The following PTPRD variants were observed in gnomAD, a reference collection of about 807,000 sequenced individuals.
PTPRD encodes receptor-type tyrosine-protein phosphatase delta.
Under a neutral mutation model 214.5 loss-of-function variants are expected in PTPRD, and 34 were observed. That is an observed-to-expected ratio of 0.16 (90% CI 0.12 to 0.21). The LOEUF (loss-of-function observed/expected upper bound fraction) is 0.21, where lower values mean the gene tolerates loss of function less well. PTPRD is among the 10% of genes least tolerant of loss of function. The pLI is 1.00. For synonymous variants in PTPRD, 1,128 were observed against 845.7 expected (o/e 1.33, Z -5.79); for missense variants, 2,545 against 2,398.7 (o/e 1.06, Z -1.27).
intron 3 of PTPRD, among the ~76,000 whole-genome samples, chr9:10,281,269 G>A (rs1184848252): frequency 1.3e-5 from 2 of 152,042 alleles, no homozygotes; most frequent in Non-Finnish European, 2.9e-5. Context: ...TAGTTTAGAT[G>A]TTAACTCTAA....
chr9:8,859,715 A>C (rs941338874), intron 11 of PTPRD, among the ~76,000 whole-genome samples: 1 of 151,758 alleles, frequency 6.6e-6, no homozygotes, highest in African/African-American at 2.4e-5. Flanking sequence ...AGGATTGGTC[A>C]GTAATCCTCT....
chr9:10,331,348 T>C (rs1195199499), intron 3 of PTPRD, among the ~76,000 whole-genome samples: 4 of 151,822 alleles, frequency 2.6e-5, no homozygotes, highest in Non-Finnish European at 4.4e-5. Context: ...TAGAAGCTTG[T>C]CTAGCTTGAA....
intron 7 of PTPRD, among the ~76,000 whole-genome samples, chr9:9,584,066 G>C (rs1255507927): frequency 1.3e-5 from 2 of 151,938 alleles, no homozygotes; most frequent in African/African-American, 4.8e-5. Flanking sequence ...TTGAAATACA[G>C]ATTCTGATAG....
At chr9:8,481,152 A>AT (rs1430317923) in intron 30 of PTPRD, among the ~76,000 whole-genome samples, 1 of 151,206 alleles carries the variant, frequency 6.6e-6, no homozygotes, top group African/African-American at 2.4e-5. Context: ...AAAAAAAAAA[A>AT]AAAAAAAAAA....
intron 7 of PTPRD, among the ~76,000 whole-genome samples, chr9:9,624,873 G>A (rs1033696014): frequency 5.9e-5 from 9 of 151,308 alleles, no homozygotes; most frequent in African/African-American, 1.7e-4. Flanking sequence ...ATGTAGCTGC[G>A]ATTAATCTGT....
chr9:9,369,456 G>C (rs1389545197), intron 9 of PTPRD, among the ~76,000 whole-genome samples: 1 of 152,092 alleles, frequency 6.6e-6, no homozygotes, highest in Non-Finnish European at 1.5e-5. Context: ...TGGTGGGGTT[G>C]TTTGCTTTTT....
chr9:8,774,974 C>T (rs2095410347), intron 11 of PTPRD, among the ~76,000 whole-genome samples: 1 of 152,080 alleles, frequency 6.6e-6, no homozygotes, highest in Non-Finnish European at 1.5e-5. Context: ...AAGTCTCTAC[C>T]ACCCTGTACT....
At chr9:9,268,888 C>T (rs529227542) in intron 9 of PTPRD, among the ~76,000 whole-genome samples, 7 of 149,788 alleles carry the variant, frequency 4.7e-5, no homozygotes, top group African/African-American at 1.5e-4. Flanking sequence ...GACATAATAC[C>T]TAAAGCCATA....
chr9:8,990,800 G>A (rs1345570707), intron 11 of PTPRD, among the ~76,000 whole-genome samples: 1 of 152,166 alleles, frequency 6.6e-6, no homozygotes, highest in Non-Finnish European at 1.5e-5. Flanking sequence ...AGGCCAGGAA[G>A]AATCTGAACA....
At chr9:9,457,958 T>C (rs2093245163) in intron 8 of PTPRD, among the ~76,000 whole-genome samples, 1 of 151,262 alleles carries the variant, frequency 6.6e-6, no homozygotes, top group Non-Finnish European at 1.5e-5. Context: ...TAAAATGCAA[T>C]TTTGAAGTAG....
At chr9:9,298,812 T>G (rs1954124994) in intron 9 of PTPRD, among the ~76,000 whole-genome samples, 2 of 151,796 alleles carry the variant, frequency 1.3e-5, no homozygotes, top group South Asian at 4.1e-4. Context: ...TCAATAGAAG[T>G]TCATTATAAA....
chr9:10,261,029 TTATATATGTGTATATATATTATA>T (rs1336083291), intron 3 of PTPRD, among the ~76,000 whole-genome samples: 14 of 110,958 alleles, frequency 1.3e-4, no homozygotes, highest in Non-Finnish European at 2.6e-4. Flanking sequence ...TGTATATATA[TTATATATGTGTATATATATTATA>T]TATGTGTATA....
At chr9:10,487,070 T>A (rs1023615726) in intron 2 of PTPRD, among the ~76,000 whole-genome samples, 8 of 152,322 alleles carry the variant, frequency 5.3e-5, no homozygotes, top group Admixed American at 4.6e-4. Context: ...ACTCTTTTTC[T>A]CTTTTTATAG....
intron 11 of PTPRD, among the ~76,000 whole-genome samples, chr9:9,008,261 C>G (rs552833303): frequency 9.7e-6 from 1 of 103,322 alleles, no homozygotes; most frequent in Non-Finnish European, 2.1e-5. Context: ...CAGAGTCTCA[C>G]TCTGTTGCCC....
chr9:8,833,713 TATACACACAC>T (rs1479800725), intron 11 of PTPRD, among the ~76,000 whole-genome samples: 2 of 123,624 alleles, frequency 1.6e-5, no homozygotes, highest in African/African-American at 6.0e-5. Context: ...TATATATATA[TATACACACAC>T]ACACACACAC....
At chr9:8,584,485 T>G (rs1355679176) in intron 14 of PTPRD, among the ~76,000 whole-genome samples, 1 of 152,148 alleles carries the variant, frequency 6.6e-6, no homozygotes. Flanking sequence ...TTCTCTATTA[T>G]GTTTTTACTT....
At chr9:9,952,615 C>A (rs761091456) in intron 4 of PTPRD, among the ~76,000 whole-genome samples, 16 of 152,078 alleles carry the variant, frequency 1.1e-4, no homozygotes, top group Non-Finnish European at 5.9e-5. Context: ...GGAAGACCAG[C>A]GCTATTAACT....
At chr9:8,378,670 A>G (rs1589084278) in intron 37 of PTPRD, among the ~76,000 whole-genome samples, 1 of 152,132 alleles carries the variant, frequency 6.6e-6, no homozygotes, top group African/African-American at 2.4e-5. Flanking sequence ...CTAAGGACAA[A>G]TATCACTATG....
chr9:9,242,566 C>A (rs1031690325), intron 9 of PTPRD, among the ~76,000 whole-genome samples: 1 of 152,088 alleles, frequency 6.6e-6, no homozygotes, highest in Non-Finnish European at 1.5e-5. Flanking sequence ...CTCTAAACTT[C>A]TCTTCTCGCT....
Sources: allele counts gnomAD v4.1 joint callset (sites outside exome capture counted in the v4.1 genomes callset), GRCh38; gene constraint gnomAD v4.1.1; transcripts MANE v1.5; gene names NCBI Gene and HGNC (gene_info 2026-07-23, HGNC 2026-07-21).